Variants in PHEX observed in about 807,000 individuals in gnomAD.
PHEX encodes phosphate-regulating neutral endopeptidase PHEX.
A neutral mutation model predicts 68.0 loss-of-function variants in PHEX; 16 were observed. That is an observed-to-expected ratio of 0.24 (90% confidence interval 0.16 to 0.36). PHEX has a LOEUF of 0.36. Ranked by LOEUF, PHEX falls within the 10% of genes least tolerant of loss-of-function variation. PHEX has a pLI of 1.00. For synonymous variants in PHEX, 208 were observed against 205.1 expected (o/e 1.01, Z -0.12); for missense variants, 480 against 575.5 (o/e 0.83, Z 1.70).
chrX:22,074,967 C>T (rs748019413), intron 3 of PHEX, among the ~76,000 whole-genome samples: 63 of 109,073 alleles, frequency 5.8e-4, no homozygotes, highest in South Asian at 5.2e-3. Flanking sequence ...ATCTCAGCTA[C>T]TCGGGAGGCT....
intron 13 of PHEX, among the ~76,000 whole-genome samples, chrX:22,170,630 A>C (rs772556899): frequency 8.9e-6 from 1 of 112,297 alleles, no homozygotes; most frequent in South Asian, 3.7e-4. Context: ...TTGGTTTGAA[A>C]AAGTCCTCAT....
chrX:22,190,980 A>G (rs2147139565), intron 15 of PHEX, among the ~76,000 whole-genome samples: 1 of 111,979 alleles, frequency 8.9e-6, no homozygotes, highest in East Asian at 2.8e-4. Context: ...TGTATCAGGT[A>G]TATGTAATTA....
At chrX:22,168,437 G>A in intron 13 of PHEX, 48 bp downstream of exon 13, 1 of 842,957 alleles carries the variant, frequency 1.2e-6, no homozygotes, top group Non-Finnish European at 1.8e-6. Context: ...AAGTTTTACT[G>A]GCCTTGTGCC....
intron 12 of PHEX, among the ~76,000 whole-genome samples, chrX:22,144,496 A>G (rs1448476714): frequency 9.1e-6 from 1 of 110,419 alleles, no homozygotes; most frequent in African/African-American, 3.3e-5. Context: ...GATTTCATCT[A>G]CTCCCCTACT....
chrX:22,036,622 A>G (rs929119088), intron 1 of PHEX, among the ~76,000 whole-genome samples: 1 of 111,388 alleles, frequency 9.0e-6, no homozygotes, highest in Non-Finnish European at 1.9e-5. Flanking sequence ...TTAGGTCAAC[A>G]TATAAAAATT....
intron 3 of PHEX, among the ~76,000 whole-genome samples, chrX:22,055,624 C>T (rs1928066175): frequency 9.0e-6 from 1 of 111,170 alleles, no homozygotes; most frequent in African/African-American, 3.3e-5. Context: ...TGCACTGGCA[C>T]GATCTCGGCT....
chrX:22,038,322 T>G, intron 1 of PHEX, 147 bp from the exon 2 acceptor site: 1 of 554,346 alleles, frequency 1.8e-6, no homozygotes, highest in Non-Finnish European at 3.3e-6. Context: ...TCTGGTTTCG[T>G]GACATTGAAC....
At chrX:22,061,564 T>A (rs1455067859) in intron 3 of PHEX, among the ~76,000 whole-genome samples, 1 of 111,535 alleles carries the variant, frequency 9.0e-6, no homozygotes, top group African/African-American at 3.3e-5. Flanking sequence ...TTTATTGAGG[T>A]GACCTTATTT....
chrX:22,145,466 A>T (rs1382800839), intron 12 of PHEX, among the ~76,000 whole-genome samples: 1 of 111,442 alleles, frequency 9.0e-6, no homozygotes, highest in Non-Finnish European at 1.9e-5. Context: ...AAGTACAAAA[A>T]TTAGCCAGGC....
chrX:22,231,195 T>C (rs1462855347), intron 20 of PHEX, among the ~76,000 whole-genome samples: 1 of 112,684 alleles, frequency 8.9e-6, no homozygotes, highest in Admixed American at 9.3e-5. Context: ...TATTTTCGCA[T>C]AGATGTTCAT....
At chrX:22,108,303 A>T (rs746548960) in intron 9 of PHEX, among the ~76,000 whole-genome samples, 2 of 111,264 alleles carry the variant, frequency 1.8e-5, no homozygotes, top group Non-Finnish European at 3.8e-5. Context: ...ATTTAAATTT[A>T]AAAATAATTA....
rs754611394 is a variant in PHEX, at chrX:22,234,444, CT to C, written c.2070+6843del. On this transcript the variant is annotated intron_variant, in intron 20 of 21. Coordinates refer to ENST00000379374, the MANE Select transcript of PHEX (RefSeq NM_000444.6). ...ATAATTCCCTGACTGGGGCTGTTGC[CT>C]TTTTTTTTTAGAGATGCCCTGCCCA... Among the ~76,000 whole-genome samples, 11 of 105,703 alleles carry C rather than the reference CT, an allele frequency of 1.0e-4. No homozygotes were observed. In the South Asian group the frequency reaches 1.2e-3, roughly 12 times the overall value. 91.8% of individuals were successfully genotyped at this position (105,703 alleles called of 115,157 possible).
chrX:22,248,928 C>T lies in PHEX; in HGVS notation c.*975C>T, dbSNP rs1301062524. The T allele has an allele frequency of 1.9e-5, 2 of 103,301 alleles. No homozygotes were observed. The highest frequency in any genetic ancestry group is 4.2e-5 in the Non-Finnish European group (2 of 48,026). The allele number at this position is 103,301 out of a possible 1,213,427, so 8.5% of individuals were successfully genotyped here. A position where few individuals can be genotyped will look rare whatever the true frequency, so the allele number is the denominator to read the frequency against. On this transcript the variant is annotated 3_prime_UTR_variant, in exon 22 of 22. Coordinates refer to ENST00000379374, the MANE Select transcript of PHEX (RefSeq NM_000444.6). Reference sequence around the variant, plus strand: ...CATTAGGAACATATGATTTTCATTTCCCTTTAGTGCAAAGGAACAAACATC... The same window carrying T: ...CATTAGGAACATATGATTTTCATTTTCCTTTAGTGCAAAGGAACAAACATC...
chrX:22,055,886 C>T (rs973276412), intron 3 of PHEX, among the ~76,000 whole-genome samples: 3 of 111,711 alleles, frequency 2.7e-5, no homozygotes, highest in Non-Finnish European at 5.6e-5. Flanking sequence ...TGTGCTTTTC[C>T]ACCCTCAGTG....
intron 14 of PHEX, among the ~76,000 whole-genome samples, chrX:22,179,233 T>C (rs985323164): frequency 6.3e-5 from 7 of 111,523 alleles, no homozygotes; most frequent in Non-Finnish European, 1.3e-4. Flanking sequence ...CTTTTTTTTC[T>C]CTCTGTTCTC....
chrX:22,139,985 G>A (rs977854677), intron 12 of PHEX, among the ~76,000 whole-genome samples: 2 of 111,156 alleles, frequency 1.8e-5, no homozygotes, highest in Non-Finnish European at 1.9e-5. Context: ...GCCATCTGAA[G>A]GGCTTGTTAA....
Position 22,212,900 on chromosome X carries a change from A to G in PHEX, c.1646-4A>G, listed in dbSNP as rs1378780851. On this transcript the variant is annotated splice_region_variant and splice_polypyrimidine_tract_variant and intron_variant, in intron 15 of 21. Transcript: ENST00000379374. The stretch of plus-strand genomic sequence containing the variant: ...TATCTCTTAACATTTTTTCCTTCTC[A>G]TAGGATTTCCAGCAGGAGAGCTCCA... 1 of 1,195,243 alleles carries G rather than the reference A, an allele frequency of 8.4e-7. No homozygotes were observed. The highest frequency in any genetic ancestry group is 1.8e-5 in the South Asian group (1 of 56,579).
chrX:22,237,406 T>C (rs1391021219), intron 20 of PHEX, among the ~76,000 whole-genome samples: 1 of 111,608 alleles, frequency 9.0e-6, no homozygotes, highest in Non-Finnish European at 1.9e-5. Flanking sequence ...GCTTTCTATG[T>C]CCCTGTAGTT....
intron 12 of PHEX, among the ~76,000 whole-genome samples, chrX:22,134,843 C>G (rs1932165054): frequency 8.9e-6 from 1 of 111,840 alleles, no homozygotes. Context: ...GCAGGCTGAA[C>G]AGCTGTCACT....
Sources: gnomAD v4.1 joint callset for allele counts (sites outside exome capture counted in the v4.1 genomes callset) on GRCh38, gnomAD v4.1.1 for gene constraint, MANE v1.5 for transcripts, NCBI Gene and HGNC (gene_info 2026-07-23, HGNC 2026-07-21) for gene names.